The following SPATA24 variants were observed in gnomAD, a reference collection of about 807,000 sequenced individuals.
SPATA24 encodes the protein spermatogenesis-associated protein 24.
A neutral mutation model predicts 28.9 loss-of-function variants in SPATA24; 21 were observed. The observed-to-expected ratio is 0.73, with a 90% CI of 0.52 to 1.05. SPATA24 has a LOEUF of 1.05. SPATA24 is among the 50% of genes least tolerant of loss of function. The pLI is 0.00. For synonymous variants in SPATA24, 76 were observed against 89.9 expected, an observed-to-expected ratio of 0.85 and a Z score of 0.88; for missense variants, 215 against 242.9, an observed-to-expected ratio of 0.88 and a Z score of 0.76.
chr5:139,403,968 T>C lies in SPATA24; in HGVS notation c.93A>G (p.Glu31=). Residue 31 remains glutamate, a synonymous_variant, in exon 1 of 6, where the codon GAA becomes GAG. Transcript: ENST00000450845. ...QLRDVIESQE[E]LIHQLRNVMV... ...CCACGTTCCTCAGCTGGTGGATTAG[T>C]TCCTCCTGAGACTCAATCACGTCCC... 1 of 1,551,760 alleles carries C rather than the reference T, an allele frequency of 6.4e-7. No individual in the cohort carries two copies. Among genetic ancestry groups the C allele is most frequent in the Non-Finnish European group, 8.7e-7 (1 of 1,146,972 alleles).
At position 139,401,468 on chromosome 5, in the gene SPATA24, G is replaced by A. The variant is rs1250064516; in HGVS notation, c.385+287C>T. The A allele has an allele frequency of 6.5e-6, 4 of 619,048 alleles. No individual in the cohort carries two copies. The African/African-American group carries it at 7.3e-5, about 11-fold the overall frequency. The allele number at this position is 619,048 out of a possible 1,614,324, so 38.3% of individuals were successfully genotyped here. On this transcript the variant is annotated intron_variant, in intron 4 of 5. Coordinates refer to ENST00000450845, the MANE Select transcript of SPATA24 (RefSeq NM_194296.2). ...ATCAGTTAGGAGTAACCCATCAAAA[G>A]TGGGAAAACAAAAGGTGGACTAAGA...
downstream of SPATA24, chr5:139,395,793 C>T (rs1278111694): frequency 6.6e-6 from 1 of 152,310 alleles, no homozygotes; most frequent in Non-Finnish European, 1.5e-5. Context: ...ACAGCTCTAG[C>T]TTTCAGTCTG....
downstream of SPATA24, chr5:139,396,383 G>A: frequency 1.0e-6 from 1 of 985,440 alleles, no homozygotes; most frequent in Non-Finnish European, 1.2e-6. Flanking sequence ...TTTGGGGGAG[G>A]TGTCAGCAGG....
Position 139,404,029 on chromosome 5 carries a change from C to T in SPATA24, c.32G>A (p.Gly11Glu). The T allele has an allele frequency of 6.4e-7, 1 of 1,551,888 alleles. No individual in the cohort carries two copies. Among genetic ancestry groups the T allele is most frequent in the South Asian group, 1.2e-5 (1 of 84,058 alleles). The change falls in exon 1 of 6, where the codon GGG becomes GAG. Residue 11 changes from glycine (G) to glutamate (E), a missense_variant. Coordinates refer to ENST00000450845, the MANE Select transcript of SPATA24 (RefSeq NM_194296.2). MATPLGWSKA[G>E]SGSVCLALDQ... ...TAAAGCGAGACACACAGATCCTGAC[C>T]CCGCCTTCGACCACCCGAGGGGCGT... is the stretch of plus-strand genomic sequence containing the variant.
At chr5:139,397,232 G>T in intron 4 of SPATA24, 89 bp from the exon 5 acceptor site, 1 of 973,190 alleles carries the variant, frequency 1.0e-6, no homozygotes, top group Non-Finnish European at 1.6e-6. Flanking sequence ...GCTTTTCAGA[G>T]CTTGGCTCCC....
At chr5:139,394,796 G>A, downstream of SPATA24, 16 of 1,528,546 alleles carry the variant, frequency 1.0e-5, no homozygotes, top group Non-Finnish European at 1.4e-5. Flanking sequence ...GGTGGCCGTG[G>A]GCCGGAACCT....
At chr5:139,393,815 GAGT>G, downstream of SPATA24, 11 of 1,551,236 alleles carry the variant, frequency 7.1e-6, no homozygotes, top group Non-Finnish European at 8.7e-6. Flanking sequence ...CTCACCCTCC[GAGT>G]AGTCCGATCC....
downstream of SPATA24, chr5:139,393,102 G>A (rs1036866614): frequency 2.0e-6 from 3 of 1,522,668 alleles, no homozygotes; most frequent in Non-Finnish European, 2.6e-6. Context: ...TGGATTCGCC[G>A]CCCTCCTCCC....
intron 4 of SPATA24, among the ~76,000 whole-genome samples, chr5:139,399,182 T>C (rs1758772244): frequency 6.6e-6 from 1 of 151,920 alleles, no homozygotes; most frequent in South Asian, 2.1e-4. Context: ...CCAGGTGTGG[T>C]GGCGGGCACC....
downstream of SPATA24, chr5:139,393,684 A>G (rs1561989277): frequency 2.6e-6 from 4 of 1,550,460 alleles, no homozygotes; most frequent in South Asian, 3.6e-5. Flanking sequence ...TCCTTTCCCC[A>G]GCAACACACT....
chr5:139,396,098 G>A (rs1029758578), downstream of SPATA24: 2 of 884,288 alleles, frequency 2.3e-6, no homozygotes, highest in African/African-American at 3.6e-5. Flanking sequence ...CCTGGAGCAA[G>A]AGCACTGCCC....
At chr5:139,403,151 G>A (rs1758859755) in intron 1 of SPATA24, among the ~76,000 whole-genome samples, 2 of 152,176 alleles carry the variant, frequency 1.3e-5, no homozygotes, top group Admixed American at 1.3e-4. Context: ...GGTACCTTCA[G>A]GGAATCAAAG....
downstream of SPATA24, chr5:139,393,786 T>A (rs1758641501): frequency 1.3e-6 from 2 of 1,551,212 alleles, no homozygotes; most frequent in African/African-American, 2.7e-5. Context: ...CGGAGGAGGC[T>A]TCAGGGAACA....
At chr5:139,396,379 G>A, downstream of SPATA24, 3 of 985,440 alleles carry the variant, frequency 3.0e-6, no homozygotes, top group Middle Eastern at 5.2e-4. Flanking sequence ...CCCGTTTGGG[G>A]GAGGTGTCAG....
chr5:139,394,251 C>T, downstream of SPATA24: 4 of 1,546,568 alleles, frequency 2.6e-6, no homozygotes, highest in Non-Finnish European at 3.5e-6. Context: ...TCTCAGGTTC[C>T]GACCGCCCCG....
downstream of SPATA24, chr5:139,392,895 C>G (rs1448047674): frequency 6.5e-7 from 1 of 1,543,944 alleles, no homozygotes; most frequent in East Asian, 2.5e-5. The surrounding 1 kb of genome is among the most constrained non-coding windows in gnomAD (Gnocchi z 5.8). Flanking sequence ...TCTCTGTGCG[C>G]TTGAAGGGCT....
At chr5:139,393,204 G>A, downstream of SPATA24, 2 of 1,549,562 alleles carry the variant, frequency 1.3e-6, no homozygotes, top group Non-Finnish European at 1.7e-6. Flanking sequence ...ACTTGCGCAC[G>A]TCTCGAGGCC....
intron 5 of SPATA24, 32 bp from the exon 6 acceptor site, chr5:139,396,961 G>A: frequency 6.4e-7 from 1 of 1,551,560 alleles, no homozygotes. Context: ...GTGGGCTGTG[G>A]ACAGCCAAGG....
At chr5:139,395,678 G>C (rs1265364951), downstream of SPATA24, 1 of 152,306 alleles carries the variant, frequency 6.6e-6, no homozygotes, top group East Asian at 1.9e-4. Context: ...AGTAGAGTGA[G>C]GAGCACCGCT....
Sources: gnomAD v4.1 joint callset for allele counts (sites outside exome capture counted in the v4.1 genomes callset) on GRCh38, gnomAD v4.1.1 for gene constraint, Gnocchi (gnomAD v3.1) non-coding constraint, MANE v1.5 for transcripts, NCBI Gene and HGNC (gene_info 2026-07-23, HGNC 2026-07-21) for gene names.